The following FARS2 variants were observed in gnomAD, a reference collection of about 807,000 sequenced individuals.
The protein encoded by FARS2 is phenylalanyl-tRNA synthetase 2, mitochondrial.
A neutral mutation model predicts 46.4 loss-of-function variants in FARS2; 40 were observed. The ratio of observed to expected loss-of-function variants is 0.86; its 90% confidence interval spans 0.67 to 1.12. FARS2 has a LOEUF of 1.12. FARS2 is among the 50% of genes most tolerant of loss of function. The probability of loss-of-function intolerance (pLI) is 0.00; values close to 1 mark genes in which losing one functional copy is unlikely to be tolerated. For missense variants in FARS2, 513 were observed against 567.9 expected, an observed-to-expected ratio of 0.90 and a Z score of 0.98; for synonymous variants, 234 against 214.9, an observed-to-expected ratio of 1.09 and a Z score of -0.78.
At chr6:5,458,440 C>T (rs1260519701) in intron 4 of FARS2, among the ~76,000 whole-genome samples, 1 of 152,136 alleles carries the variant, frequency 6.6e-6, no homozygotes, top group East Asian at 1.9e-4. Context: ...AGAGCAAGGG[C>T]CACTGTAGTC....
At chr6:5,609,307 A>G (rs1268481115) in intron 5 of FARS2, 17 of 1,090,210 alleles carry the variant, frequency 1.6e-5, no homozygotes, top group Non-Finnish European at 2.1e-5. Context: ...TTGGCAAAGT[A>G]TTGGCCTCTA....
intron 6 of FARS2, among the ~76,000 whole-genome samples, chr6:5,696,175 C>T (rs150092048): frequency 3.8e-4 from 58 of 152,294 alleles, no homozygotes; most frequent in African/African-American, 1.3e-3. Flanking sequence ...TTTGACTCAG[C>T]ATTTATTTAT....
chr6:5,319,349 C>T (rs1392680503), intron 1 of FARS2, among the ~76,000 whole-genome samples: 2 of 152,142 alleles, frequency 1.3e-5, no homozygotes, highest in African/African-American at 2.4e-5. Flanking sequence ...TATAGCCTTC[C>T]TCTAGGAACA....
At chr6:5,608,022 A>G (rs1164880735) in intron 5 of FARS2, among the ~76,000 whole-genome samples, 1 of 147,760 alleles carries the variant, frequency 6.8e-6, no homozygotes, top group Admixed American at 6.7e-5. Context: ...TATGAATTTT[A>G]TGACTTTTAA....
chr6:5,663,690 G>T (rs1777960260), intron 6 of FARS2, among the ~76,000 whole-genome samples: 1 of 152,210 alleles, frequency 6.6e-6, no homozygotes, highest in East Asian at 1.9e-4. Flanking sequence ...TGGCAGATTT[G>T]TCATTCGTCC....
intron 6 of FARS2, among the ~76,000 whole-genome samples, chr6:5,616,612 T>C (rs1450075633): frequency 2.0e-5 from 3 of 152,236 alleles, no homozygotes; most frequent in Non-Finnish European, 4.4e-5. Flanking sequence ...ATCCTGAAGG[T>C]AATTTTATAC....
At chr6:5,381,081 A>G (rs1434543204) in intron 2 of FARS2, among the ~76,000 whole-genome samples, 1 of 150,874 alleles carries the variant, frequency 6.6e-6, no homozygotes, top group Non-Finnish European at 1.5e-5. Flanking sequence ...GCTCACTGCA[A>G]GCTCCACCTC....
intron 2 of FARS2, among the ~76,000 whole-genome samples, chr6:5,388,101 G>A (rs2503807): frequency 0.041 from 6,225 of 151,832 alleles, 421 homozygotes; most frequent in African/African-American, 0.14. Flanking sequence ...CTCTTGCTAT[G>A]ACCTTTTCAG....
chr6:5,497,265 G>A (rs148940346), intron 4 of FARS2, among the ~76,000 whole-genome samples: 200 of 152,296 alleles, frequency 1.3e-3, no homozygotes, highest in African/African-American at 4.6e-3. Context: ...GTCCACATGA[G>A]GAAAGAGTGA....
At chr6:5,593,265 A>G (rs1332797805) in intron 5 of FARS2, among the ~76,000 whole-genome samples, 1 of 151,394 alleles carries the variant, frequency 6.6e-6, no homozygotes, top group Non-Finnish European at 1.5e-5. Flanking sequence ...GGTTACCCCT[A>G]TGGCTCCTCC....
At position 5,483,481 on chromosome 6, in the gene FARS2, A is replaced by G. The variant is rs1348315189; in HGVS notation, c.904+52309A>G. Among the ~76,000 whole-genome samples, 3 of 152,300 alleles carry G rather than the reference A, an allele frequency of 2.0e-5. No homozygotes were observed. The South Asian group carries it at 6.2e-4, about 32-fold the overall frequency. Reference sequence around the variant, plus strand: ...TCACGAGGTCAAGATCAGCCTGGCCAACATGACAAAACCCTGTCTTACTAA... The same window carrying G: ...TCACGAGGTCAAGATCAGCCTGGCCGACATGACAAAACCCTGTCTTACTAA... On this transcript the variant is annotated intron_variant, in intron 4 of 6. Coordinates refer to ENST00000274680, the MANE Select transcript of FARS2 (RefSeq NM_006567.5).
Position 5,539,406 on chromosome 6 carries a change from ATT to A in FARS2, c.905-5768_905-5767del, listed in dbSNP as rs1554106834. 2.8e-4 allele frequency among the ~76,000 whole-genome samples: 40 copies of A among 144,876 alleles called. 1 individual carries two copies. The highest frequency in any genetic ancestry group is 4.8e-4 in the Non-Finnish European group (32 of 66,764). ...TGTGTATATATATATATATGTATAT[ATT>A]TTTTTAGTAGAGACGGGGTTTCACC... On this transcript the variant is annotated intron_variant, in intron 4 of 6. Coordinates refer to ENST00000274680, the MANE Select transcript of FARS2 (RefSeq NM_006567.5).
intron 6 of FARS2, among the ~76,000 whole-genome samples, chr6:5,708,575 G>A (rs1314568431): frequency 6.6e-6 from 1 of 152,184 alleles, no homozygotes; most frequent in Non-Finnish European, 1.5e-5. Flanking sequence ...TAAAGCCTCT[G>A]GTCAAACCAC....
At chr6:5,404,890 C>T (rs976702357) in intron 3 of FARS2, among the ~76,000 whole-genome samples, 189 bp downstream of exon 3, 1 of 151,450 alleles carries the variant, frequency 6.6e-6, no homozygotes, top group African/African-American at 2.4e-5. Context: ...ACCTCCACCT[C>T]CCGGGTTCAA....
intron 4 of FARS2, among the ~76,000 whole-genome samples, chr6:5,463,179 T>C (rs929168614): frequency 6.6e-6 from 1 of 152,242 alleles, no homozygotes; most frequent in African/African-American, 2.4e-5. Flanking sequence ...CTTGCACTTC[T>C]TTAATGAAAT....
chr6:5,650,502 T>A (rs9504472), intron 6 of FARS2, among the ~76,000 whole-genome samples: 10,117 of 152,024 alleles, frequency 0.067, 924 homozygotes, highest in African/African-American at 0.21. Flanking sequence ...GGTGACTTTG[T>A]AAAGACATTT....
intron 5 of FARS2, among the ~76,000 whole-genome samples, chr6:5,607,281 A>ATGTGTGTG (rs752038841): frequency 4.1e-5 from 6 of 147,394 alleles, no homozygotes; most frequent in African/African-American, 1.0e-4. Flanking sequence ...AAAGAATAAT[A>ATGTGTGTG]TGTATGTGTG....
Position 5,321,630 on chromosome 6 carries a change from T to C in FARS2, c.-21-46920T>C, listed in dbSNP as rs1485911127. ...ATCTACTTCATCCCCATTCGGTAGGTGTCTTCTATGTTTTAATTCATATCC... is the reference window on the plus strand; with the variant it reads ...ATCTACTTCATCCCCATTCGGTAGGCGTCTTCTATGTTTTAATTCATATCC... On this transcript the variant is annotated intron_variant, in intron 1 of 6. Transcript: ENST00000274680. 3.6e-5 allele frequency among the ~76,000 whole-genome samples: 3 copies of C among 82,208 alleles called. No homozygotes were observed. In the East Asian group the frequency reaches 1.6e-3, roughly 44 times the overall value. The allele number at this position is 82,208 out of a possible 152,430, so 53.9% of individuals were successfully genotyped here.
chr6:5,744,172 G>A (rs553790500), intron 6 of FARS2, among the ~76,000 whole-genome samples: 3 of 152,176 alleles, frequency 2.0e-5, no homozygotes, highest in Non-Finnish European at 2.9e-5. Flanking sequence ...GCCTGGGGAG[G>A]GTGAGCAGCT....
Sources: allele counts gnomAD v4.1 joint callset (sites outside exome capture counted in the v4.1 genomes callset), GRCh38; gene constraint gnomAD v4.1.1; transcripts MANE v1.5; gene names NCBI Gene and HGNC (gene_info 2026-07-23, HGNC 2026-07-21).